Variants in PDE4B observed in about 807,000 individuals in gnomAD.
PDE4B encodes phosphodiesterase 4B.
PDE4B carries 20 observed loss-of-function variants against 82.2 expected under a neutral mutation model. The observed-to-expected ratio is 0.24, with a 90% CI of 0.17 to 0.35. The LOEUF (loss-of-function observed/expected upper bound fraction) is 0.35, where lower values mean the gene tolerates loss of function less well. Among genes scored for constraint, PDE4B ranks in the 10% least tolerant of loss-of-function variants. The pLI is 1.00. For synonymous variants in PDE4B, 320 were observed against 318.9 expected, an observed-to-expected ratio of 1.00 and a Z score of -0.04; for missense variants, 655 against 907.2, an observed-to-expected ratio of 0.72 and a Z score of 3.57.
At chr1:65,816,290 T>C (rs894685764) in intron 1 of PDE4B, among the ~76,000 whole-genome samples, 1 of 151,592 alleles carries the variant, frequency 6.6e-6, no homozygotes. Context: ...ATTAATTATC[T>C]CAACCCTTGA....
rs1443788154 is a variant in PDE4B at position 65,948,283 on chromosome 1, G to T, written c.281+29448G>T. Reference sequence around the variant, plus strand: ...CCTCTACTCTTAGCAGGAGGGTAATGTATTAGTCAGGGTTCTCTAGAATCA... The same window carrying T: ...CCTCTACTCTTAGCAGGAGGGTAATTTATTAGTCAGGGTTCTCTAGAATCA... On this transcript the variant is annotated intron_variant, in intron 3 of 16. Transcript: ENST00000341517. Among the ~76,000 whole-genome samples the T allele has an allele frequency of 3.3e-5, 5 of 151,664 alleles. No individual in the cohort carries two copies. The East Asian group carries it at 9.7e-4, about 29-fold the overall frequency.
chr1:66,368,389 G>A (rs1663407781), intron 15 of PDE4B, among the ~76,000 whole-genome samples: 1 of 152,194 alleles, frequency 6.6e-6, no homozygotes, highest in African/African-American at 2.4e-5. Context: ...AGTTTGTTAG[G>A]TCTGTTTTGG....
chr1:66,156,754 T>C (rs1646509443), intron 3 of PDE4B, among the ~76,000 whole-genome samples: 1 of 152,184 alleles, frequency 6.6e-6, no homozygotes, highest in African/African-American at 2.4e-5. Context: ...TTTATCAAGG[T>C]CATTAGGAAT....
At chr1:66,220,926 A>G (rs1454773317) in intron 3 of PDE4B, among the ~76,000 whole-genome samples, 5 of 152,328 alleles carry the variant, frequency 3.3e-5, no homozygotes, top group Admixed American at 1.3e-4. Context: ...AAACAGACAT[A>G]TTATTTTTAC....
At position 66,163,231 on chromosome 1, in the gene PDE4B, T is replaced by C. The variant is rs571287391; in HGVS notation, c.282-84229T>C. 5.3e-5 allele frequency among the ~76,000 whole-genome samples: 8 copies of C among 152,182 alleles called. No homozygotes were observed. The South Asian group carries it at 8.3e-4, about 16-fold the overall frequency. ...GTGAGTGACCAATAAGATTTACTGGTAGGTAGGATTGCACAGGGGGCAATA... is the reference window on the plus strand; with the variant it reads ...GTGAGTGACCAATAAGATTTACTGGCAGGTAGGATTGCACAGGGGGCAATA... On this transcript the variant is annotated intron_variant, in intron 3 of 16. Coordinates refer to ENST00000341517, the MANE Select transcript of PDE4B (RefSeq NM_002600.4).
chr1:65,823,553 A>T (rs1215554691), intron 1 of PDE4B, among the ~76,000 whole-genome samples: 1 of 151,988 alleles, frequency 6.6e-6, no homozygotes, highest in Non-Finnish European at 1.5e-5. Flanking sequence ...ATAACGTCTC[A>T]TCTGTTTGCA....
chr1:66,136,938 G>A (rs1157782939), intron 3 of PDE4B, among the ~76,000 whole-genome samples: 2 of 152,066 alleles, frequency 1.3e-5, no homozygotes, highest in African/African-American at 4.8e-5. Flanking sequence ...GTTGTGAAGA[G>A]ATGCAATATT....
chr1:66,329,080 T>C (rs1387197809), intron 7 of PDE4B, among the ~76,000 whole-genome samples: 1 of 152,184 alleles, frequency 6.6e-6, no homozygotes, highest in Non-Finnish European at 1.5e-5. Context: ...GTCTGGCGGC[T>C]ATCAGGAAGG....
At chr1:65,853,378 A>G (rs544608401) in intron 1 of PDE4B, among the ~76,000 whole-genome samples, 1 of 152,210 alleles carries the variant, frequency 6.6e-6, no homozygotes, top group African/African-American at 2.4e-5. Context: ...ATCTAATGTT[A>G]TTATAGATAT....
chr1:66,052,074 T>A (rs1655058730), intron 3 of PDE4B, among the ~76,000 whole-genome samples: 1 of 152,182 alleles, frequency 6.6e-6, no homozygotes, highest in Non-Finnish European at 1.5e-5. Flanking sequence ...ATCCCTTTCA[T>A]GTTGTTGAGT....
intron 3 of PDE4B, among the ~76,000 whole-genome samples, chr1:66,201,454 T>C (rs1159167868): frequency 6.6e-6 from 1 of 152,124 alleles, no homozygotes; most frequent in Non-Finnish European, 1.5e-5. Flanking sequence ...TGGTAGAATT[T>C]GGCTGTGAAT....
chr1:66,265,840 T>C (rs1654992995), intron 6 of PDE4B, among the ~76,000 whole-genome samples, 198 bp from the exon 7 acceptor site: 1 of 152,142 alleles, frequency 6.6e-6, no homozygotes, highest in South Asian at 2.1e-4. Flanking sequence ...CAGAGGGAAA[T>C]TCCAGGCCAT....
intron 3 of PDE4B, among the ~76,000 whole-genome samples, chr1:65,932,233 A>G (rs762744313): frequency 1.5e-4 from 22 of 151,678 alleles, no homozygotes; most frequent in Non-Finnish European, 2.5e-4. Flanking sequence ...AGCTCAGTGT[A>G]GGGTGAACAG....
chr1:66,267,280 G>A (rs1655120093), intron 7 of PDE4B: 1 of 152,194 alleles, frequency 6.6e-6, no homozygotes, highest in African/African-American at 2.4e-5. Context: ...TGTGCTGCAT[G>A]TACTATTTCT....
At chr1:66,254,528 C>A (rs896427462) in intron 4 of PDE4B, among the ~76,000 whole-genome samples, 1 of 152,126 alleles carries the variant, frequency 6.6e-6, no homozygotes, top group African/African-American at 2.4e-5. Flanking sequence ...GTAGGAAACC[C>A]CTAAATCTAT....
chr1:66,002,251 T>C (rs1265853469), intron 3 of PDE4B, among the ~76,000 whole-genome samples: 1 of 152,182 alleles, frequency 6.6e-6, no homozygotes, highest in Non-Finnish European at 1.5e-5. Flanking sequence ...ACCGAACATC[T>C]TTTAATGTCT....
chr1:65,887,263 C>CTTTCTTTCCTTA (rs1486577998), intron 1 of PDE4B, among the ~76,000 whole-genome samples: 1 of 54,722 alleles, frequency 1.8e-5, no homozygotes, highest in Non-Finnish European at 3.7e-5. Context: ...TTCTTTCTTT[C>CTTTCTTTCCTTA]CTTCCTTCTT....
chr1:66,263,430 T>A (rs755260662), intron 6 of PDE4B, among the ~76,000 whole-genome samples: 2 of 152,242 alleles, frequency 1.3e-5, no homozygotes, highest in Non-Finnish European at 2.9e-5. Flanking sequence ...CAAGACTGTA[T>A]GTGAAAAGGA....
At position 65,995,370 on chromosome 1, in the gene PDE4B, A is replaced by G. The variant is rs1185908674; in HGVS notation, c.281+76535A>G. Among the ~76,000 whole-genome samples, 3 of 152,206 alleles carry G rather than the reference A, an allele frequency of 2.0e-5. No individual in the cohort carries two copies. The East Asian group carries it at 5.8e-4, about 29-fold the overall frequency. On this transcript the variant is annotated intron_variant, in intron 3 of 16. Transcript: ENST00000341517. The stretch of plus-strand genomic sequence containing the variant: ...GAAAATCTCTTTCTAGAAAATAGAC[A>G]TGTATCTTACATATTTTTATGACTT...
Sources: allele counts gnomAD v4.1 joint callset (sites outside exome capture counted in the v4.1 genomes callset), GRCh38; gene constraint gnomAD v4.1.1; transcripts MANE v1.5; gene names NCBI Gene and HGNC (gene_info 2026-07-23, HGNC 2026-07-21).